Variants in RABGAP1L observed in about 807,000 individuals in gnomAD.
The protein encoded by RABGAP1L is rab GTPase-activating protein 1-like.
In RABGAP1L, 63 loss-of-function variants were observed where a neutral mutation model predicts 137.7. That is an observed-to-expected ratio of 0.46 (90% CI 0.37 to 0.56). The LOEUF (loss-of-function observed/expected upper bound fraction) is 0.56. RABGAP1L is among the 20% of genes least tolerant of loss of function. The probability of loss-of-function intolerance (pLI) is 0.00; values close to 1 mark genes in which losing one functional copy is unlikely to be tolerated. For missense variants in RABGAP1L, 1,095 were observed against 1,244.0 expected (o/e 0.88, Z 1.80); for synonymous variants, 431 against 433.7 (o/e 0.99, Z 0.08).
chr1:174,624,489 A>G (rs1354427263), intron 13 of RABGAP1L, among the ~76,000 whole-genome samples: 1 of 152,186 alleles, frequency 6.6e-6, no homozygotes, highest in Non-Finnish European at 1.5e-5. Flanking sequence ...TCTTGCACAT[A>G]ACAAATGTTA....
At chr1:174,418,645 G>A (rs541276097) in intron 13 of RABGAP1L, among the ~76,000 whole-genome samples, 47 of 152,282 alleles carry the variant, frequency 3.1e-4, no homozygotes, top group African/African-American at 1.1e-3. Context: ...TGCTTCAGGG[G>A]CACTCCAAGC....
intron 13 of RABGAP1L, among the ~76,000 whole-genome samples, chr1:174,595,640 G>C (rs1467324347): frequency 6.7e-6 from 1 of 150,106 alleles, no homozygotes; most frequent in Admixed American, 6.6e-5. Context: ...TGCCCCTGCT[G>C]GGGGCTGCCT....
intron 12 of RABGAP1L, among the ~76,000 whole-genome samples, chr1:174,383,592 G>C (rs561741516): frequency 6.6e-6 from 1 of 152,184 alleles, no homozygotes; most frequent in Non-Finnish European, 1.5e-5. Context: ...CTGGGAAAGG[G>C]AACTCCCTGA....
At chr1:174,969,486 C>A in intron 21 of RABGAP1L, 99 bp downstream of exon 21, 1 of 869,128 alleles carries the variant, frequency 1.2e-6, no homozygotes, top group South Asian at 1.5e-5. Context: ...TGACTTTGTT[C>A]TTGAGGAATG....
intron 7 of RABGAP1L, among the ~76,000 whole-genome samples, chr1:174,254,969 TC>T (rs1484923485): frequency 2.6e-5 from 4 of 152,234 alleles, no homozygotes; most frequent in Admixed American, 2.0e-4. Flanking sequence ...GTAAAAGTGT[TC>T]CTATTTCTCC....
At chr1:174,465,295 G>A (rs542665971) in intron 13 of RABGAP1L, among the ~76,000 whole-genome samples, 1 of 152,178 alleles carries the variant, frequency 6.6e-6, no homozygotes, top group Non-Finnish European at 1.5e-5. Flanking sequence ...CGCCTCCCGG[G>A]TTTGAGCAAT....
At position 174,562,167 on chromosome 1, in the gene RABGAP1L, C is replaced by T. The variant is rs755204764; in HGVS notation, c.1711-75208C>T. Among the ~76,000 whole-genome samples the T allele has an allele frequency of 1.1e-4, 17 of 152,148 alleles. 1 individual carries two copies. The highest frequency in any genetic ancestry group is 2.6e-4 in the Admixed American group (4 of 15,268). On this transcript the variant is annotated intron_variant, in intron 13 of 25. Coordinates refer to ENST00000681986, the MANE Select transcript of RABGAP1L (RefSeq NM_001366446.1). ...CTTAAACAGATTTACAAGAAACAAA[C>T]AATCCCATCAAAAAGTGGGCAAAGC... is the stretch of plus-strand genomic sequence containing the variant.
At chr1:174,973,497 G>A (rs566636259) in intron 21 of RABGAP1L, among the ~76,000 whole-genome samples, 30 of 149,188 alleles carry the variant, frequency 2.0e-4, no homozygotes, top group African/African-American at 7.2e-4. Flanking sequence ...CAATTCTCCT[G>A]CCTCTGTCTC....
At position 174,991,247 on chromosome 1, in the gene RABGAP1L, A is replaced by G. The variant is rs1333724696; in HGVS notation, c.*1246A>G. On this transcript the variant is annotated 3_prime_UTR_variant, in exon 26 of 26. Coordinates refer to ENST00000681986, the MANE Select transcript of RABGAP1L (RefSeq NM_001366446.1). ...TTGCAGGAAATTATTTGATAAGAGC[A>G]AAACTATTTTTATTTTATAAACTAT... 2 of 152,254 alleles carry G rather than the reference A, an allele frequency of 1.3e-5. No individual in the cohort carries two copies. The highest frequency in any genetic ancestry group is 6.5e-5 in the Admixed American group (1 of 15,288). The allele number at this position is 152,254 out of a possible 1,614,324, so 9.4% of individuals were successfully genotyped here.
intron 13 of RABGAP1L, among the ~76,000 whole-genome samples, chr1:174,563,170 T>G (rs569535837): frequency 6.6e-6 from 1 of 152,266 alleles, no homozygotes; most frequent in African/African-American, 2.4e-5. Flanking sequence ...TTCAACATAT[T>G]AGAGTGTTTT....
At chr1:174,800,464 G>C in intron 18 of RABGAP1L, 1 of 1,550,976 alleles carries the variant, frequency 6.4e-7, no homozygotes, top group Non-Finnish European at 8.7e-7. Context: ...AACTTCTGGG[G>C]ATGGGGCATC....
chr1:174,426,244 C>T (rs1417588521), intron 13 of RABGAP1L, among the ~76,000 whole-genome samples: 4 of 151,948 alleles, frequency 2.6e-5, no homozygotes, highest in African/African-American at 7.2e-5. Flanking sequence ...TCAGCTTGGG[C>T]GGTACATTTA....
chr1:174,518,574 T>C (rs954888200), intron 13 of RABGAP1L, among the ~76,000 whole-genome samples: 1 of 152,138 alleles, frequency 6.6e-6, no homozygotes, highest in African/African-American at 2.4e-5. Flanking sequence ...GATTGGAGGG[T>C]AGATTATATT....
intron 17 of RABGAP1L, among the ~76,000 whole-genome samples, chr1:174,728,594 C>CTT (rs1294397296): frequency 0.015 from 1,697 of 114,604 alleles, 65 homozygotes; most frequent in African/African-American, 0.039. Context: ...CTACCAGTGT[C>CTT]TTTTTTTTTT....
At chr1:174,918,820 C>T (rs1165136598) in intron 19 of RABGAP1L, among the ~76,000 whole-genome samples, 1 of 113,512 alleles carries the variant, frequency 8.8e-6, no homozygotes. Context: ...CAAAGTGAGA[C>T]CCACCCCCCC....
At chr1:174,519,405 G>T (rs1411047321) in intron 13 of RABGAP1L, among the ~76,000 whole-genome samples, 1 of 152,040 alleles carries the variant, frequency 6.6e-6, no homozygotes, top group African/African-American at 2.4e-5. Flanking sequence ...AAAGATGTAG[G>T]CTGGGCGGCT....
chr1:174,743,612 G>A (rs919443327), intron 17 of RABGAP1L, among the ~76,000 whole-genome samples: 7 of 151,216 alleles, frequency 4.6e-5, no homozygotes, highest in Non-Finnish European at 8.9e-5. Context: ...TAACAAACCT[G>A]AACATATACC....
intron 13 of RABGAP1L, among the ~76,000 whole-genome samples, chr1:174,477,066 A>C (rs1033665652): frequency 6.6e-5 from 10 of 152,164 alleles, no homozygotes; most frequent in African/African-American, 2.4e-4. Flanking sequence ...CTTGTGTACC[A>C]TAGTCCCAGG....
At chr1:174,381,241 G>A (rs1239764352) in intron 12 of RABGAP1L, among the ~76,000 whole-genome samples, 2 of 146,434 alleles carry the variant, frequency 1.4e-5, no homozygotes, top group East Asian at 2.0e-4. Flanking sequence ...GGTGTGGTGT[G>A]GTGCTGAAAA....
Sources: allele counts gnomAD v4.1 joint callset (sites outside exome capture counted in the v4.1 genomes callset), GRCh38; gene constraint gnomAD v4.1.1; transcripts MANE v1.5; gene names NCBI Gene and HGNC (gene_info 2026-07-23, HGNC 2026-07-21).